The following ARHGAP42 variants were observed in gnomAD, a reference collection of about 807,000 sequenced individuals.
ARHGAP42 encodes Rho GTPase activating protein 42.
In ARHGAP42, 63 loss-of-function variants were observed where a neutral mutation model predicts 125.0. The observed-to-expected ratio is 0.50, with a 90% CI of 0.41 to 0.62. The LOEUF (loss-of-function observed/expected upper bound fraction) is 0.62. ARHGAP42 is among the 20% of genes least tolerant of loss of function. ARHGAP42 has a pLI of 0.00. For missense variants in ARHGAP42, 766 were observed against 1,024.2 expected, an observed-to-expected ratio of 0.75 and a Z score of 3.44; for synonymous variants, 339 against 351.0, an observed-to-expected ratio of 0.97 and a Z score of 0.38.
intron 1 of ARHGAP42, among the ~76,000 whole-genome samples, chr11:100,730,467 C>T (rs941422372): frequency 6.6e-5 from 10 of 152,196 alleles, no homozygotes; most frequent in African/African-American, 1.7e-4. Flanking sequence ...AATTCAATTA[C>T]AGCTGAAAAG....
In ARHGAP42 at chr11:100,854,565, C is replaced by T. The variant is rs1031166942; in HGVS notation, c.313-4989C>T. Among the ~76,000 whole-genome samples the T allele has an allele frequency of 7.2e-5, 11 of 152,208 alleles. No individual in the cohort carries two copies. In the East Asian group the frequency reaches 1.7e-3, roughly 24 times the overall value. On this transcript the variant is annotated intron_variant, in intron 3 of 23. Coordinates refer to ENST00000298815, the MANE Select transcript of ARHGAP42 (RefSeq NM_152432.4). Reference sequence around the variant, plus strand: ...GAAGTAAAATGTATTCAGTCCTTGACTTCTGATTACTTATTAATGCAAGAC... The same window carrying T: ...GAAGTAAAATGTATTCAGTCCTTGATTTCTGATTACTTATTAATGCAAGAC...
chr11:100,760,699 T>C (rs570360564), intron 1 of ARHGAP42, among the ~76,000 whole-genome samples: 1 of 150,612 alleles, frequency 6.6e-6, no homozygotes, highest in African/African-American at 2.4e-5. Flanking sequence ...AGACTCTGTC[T>C]CAAAAAGAAA....
chr11:100,847,665 C>G (rs188532808), intron 3 of ARHGAP42, among the ~76,000 whole-genome samples: 1 of 151,994 alleles, frequency 6.6e-6, no homozygotes, highest in Non-Finnish European at 1.5e-5. Flanking sequence ...CAAGCTAAGG[C>G]GGCGGGGAGA....
At chr11:100,983,057 T>A (rs2135331075) in intron 22 of ARHGAP42, among the ~76,000 whole-genome samples, 1 of 152,308 alleles carries the variant, frequency 6.6e-6, no homozygotes, top group East Asian at 1.9e-4. Context: ...AGAAAACTGT[T>A]AAAATTTGGT....
chr11:100,766,247 T>TGTGGTGG (rs1862827246), intron 1 of ARHGAP42, among the ~76,000 whole-genome samples: 1 of 131,580 alleles, frequency 7.6e-6, no homozygotes, highest in African/African-American at 2.7e-5. Context: ...GTGTGTGGTG[T>TGTGGTGG]GGGGGGCATG....
At chr11:100,791,355 C>G (rs1319617178) in intron 2 of ARHGAP42, among the ~76,000 whole-genome samples, 2 of 152,106 alleles carry the variant, frequency 1.3e-5, no homozygotes, top group African/African-American at 4.8e-5. Flanking sequence ...CATTCTTGTA[C>G]CTGCTCTATG....
chr11:100,774,324 G>C (rs745862391), intron 2 of ARHGAP42, among the ~76,000 whole-genome samples: 3 of 152,192 alleles, frequency 2.0e-5, no homozygotes, highest in Admixed American at 2.0e-4. Flanking sequence ...TCAGTTCTAC[G>C]TGGGACGGTA....
chr11:100,803,929 C>T (rs924744513), intron 3 of ARHGAP42, among the ~76,000 whole-genome samples: 1 of 152,096 alleles, frequency 6.6e-6, no homozygotes, highest in Non-Finnish European at 1.5e-5. Flanking sequence ...ACTATCATTG[C>T]CCACAACATT....
intron 4 of ARHGAP42, among the ~76,000 whole-genome samples, chr11:100,873,671 A>G (rs1212194006): frequency 1.3e-5 from 2 of 152,214 alleles, no homozygotes; most frequent in Non-Finnish European, 2.9e-5. Context: ...AGTCTTCTAG[A>G]TGACTCACAT....
intron 4 of ARHGAP42, among the ~76,000 whole-genome samples, chr11:100,900,285 C>G (rs1866507323): frequency 6.6e-6 from 1 of 152,220 alleles, no homozygotes; most frequent in African/African-American, 2.4e-5. Flanking sequence ...TCCTGCTAAT[C>G]TGATGGGCTT....
intron 1 of ARHGAP42, among the ~76,000 whole-genome samples, chr11:100,751,773 CTTTTTT>C (rs757372755): frequency 5.9e-5 from 5 of 84,358 alleles, no homozygotes; most frequent in Non-Finnish European, 1.1e-4. Flanking sequence ...AGACAGGCAC[CTTTTTT>C]TTTTTTTTTT....
chr11:100,838,813 G>A (rs894356634), intron 3 of ARHGAP42, among the ~76,000 whole-genome samples: 7 of 152,088 alleles, frequency 4.6e-5, no homozygotes, highest in South Asian at 2.1e-4. Flanking sequence ...TTGTTGAGTC[G>A]TCAGTCATTG....
chr11:100,942,098 A>G (rs1372958201), intron 9 of ARHGAP42, among the ~76,000 whole-genome samples: 5 of 152,198 alleles, frequency 3.3e-5, no homozygotes, highest in Non-Finnish European at 7.3e-5. Context: ...ATTTATAAGC[A>G]GTCGAGTTAA....
rs75458329 is a variant in ARHGAP42 at position 100,692,971 on chromosome 11, G to A, written c.154+5139G>A. Among the ~76,000 whole-genome samples the A allele has an allele frequency of 3.0e-3, 456 of 152,248 alleles. 10 individuals are homozygous for A. The East Asian group carries it at 0.065, about 22-fold the overall frequency. On this transcript the variant is annotated intron_variant, in intron 1 of 23. Coordinates refer to ENST00000298815, the MANE Select transcript of ARHGAP42 (RefSeq NM_152432.4). ...TTAAGCCAGCTTTGACTTTGTGTGT[G>A]TGTTCAGGGCCCACTTAGCTACTAG... is the stretch of plus-strand genomic sequence containing the variant.
In ARHGAP42 at chr11:100,770,353, G is replaced by A. The variant is rs993880307; in HGVS notation, c.165G>A (p.Met55Ile). Residue 55 changes from methionine to isoleucine, a missense_variant, in exon 2 of 24, where the codon ATG (methionine) becomes ATA (isoleucine). By Grantham distance (10) the Met-to-Ile change is conservative. Coordinates refer to ENST00000298815, the MANE Select transcript of ARHGAP42 (RefSeq NM_152432.4). Reference sequence around the variant, plus strand: ...AACTTTTACTTGCAGATCTGTCTATGGCAGTGCAGAAATTTTCCCAGTCAT... The same window carrying A: ...AACTTTTACTTGCAGATCTGTCTATAGCAGTGCAGAAATTTTCCCAGTCAT... ...LLIGALRNLS[M>I]AVQKFSQSLQ... 2 of 1,549,234 alleles carry A rather than the reference G, an allele frequency of 1.3e-6. No individual in the cohort carries two copies. The highest frequency in any genetic ancestry group is 1.2e-5 in the South Asian group (1 of 83,924).
intron 4 of ARHGAP42, among the ~76,000 whole-genome samples, chr11:100,881,854 T>C (rs1346830893): frequency 6.6e-6 from 1 of 152,146 alleles, no homozygotes; most frequent in Non-Finnish European, 1.5e-5. Context: ...TGTTTGTTTG[T>C]TTGTTTTTCC....
rs918810285 is a variant in ARHGAP42, at chr11:100,717,496, A to C, written c.154+29664A>C. ...ACTAAAAATACAAAAAATTAGCTGGACGTGGTGGCGGGCGCCTGTAATCCC... is the reference window on the plus strand; with the variant it reads ...ACTAAAAATACAAAAAATTAGCTGGCCGTGGTGGCGGGCGCCTGTAATCCC... On this transcript the variant is annotated intron_variant, in intron 1 of 23. Transcript: ENST00000298815. Among the ~76,000 whole-genome samples the C allele has an allele frequency of 2.0e-5, 3 of 152,066 alleles. No individual in the cohort carries two copies. The East Asian group carries it at 5.8e-4, about 29-fold the overall frequency.
intron 1 of ARHGAP42, among the ~76,000 whole-genome samples, chr11:100,732,076 A>G (rs1408173918): frequency 6.6e-6 from 1 of 151,668 alleles, no homozygotes; most frequent in Non-Finnish European, 1.5e-5. Context: ...CTCCTGCCTC[A>G]GCCTCCCAAG....
chr11:100,913,660 A>G (rs1866986628), intron 5 of ARHGAP42, 107 bp downstream of exon 5: 3 of 424,536 alleles, frequency 7.1e-6, no homozygotes, highest in African/African-American at 2.1e-5. Flanking sequence ...TAAAATAATT[A>G]TGATAGCAAT....
Sources: allele counts gnomAD v4.1 joint callset (sites outside exome capture counted in the v4.1 genomes callset), GRCh38; gene constraint gnomAD v4.1.1; transcripts MANE v1.5; gene names NCBI Gene and HGNC (gene_info 2026-07-23, HGNC 2026-07-21).